TENM4: variants seen among roughly 807,000 people sequenced by gnomAD.
The protein encoded by TENM4 is teneurin transmembrane protein 4.
A neutral mutation model predicts 243.3 loss-of-function variants in TENM4; 82 were observed. The observed-to-expected ratio is 0.34, with a 90% confidence interval of 0.28 to 0.40. TENM4 has a LOEUF of 0.40. Among genes scored for constraint, TENM4 ranks in the 10% least tolerant of loss-of-function variants. The pLI is 1.00. For missense variants in TENM4, 3,138 were observed against 3,673.3 expected (o/e 0.85, Z 3.77); for synonymous variants, 1,412 against 1,456.3 (o/e 0.97, Z 0.69).
chr11:79,286,849 A>T (rs1035409136), intron 2 of TENM4, among the ~76,000 whole-genome samples: 5 of 152,342 alleles, frequency 3.3e-5, no homozygotes, highest in Admixed American at 3.3e-4. Flanking sequence ...ATGAATTAAG[A>T]TTGGACCTCA....
At chr11:79,406,578 C>T (rs980305110) in intron 1 of TENM4, among the ~76,000 whole-genome samples, 6 of 152,150 alleles carry the variant, frequency 3.9e-5, no homozygotes, top group Non-Finnish European at 7.4e-5. Flanking sequence ...TACTTAACAC[C>T]GTGCTTAGGT....
chr11:79,099,775 T>A (rs1313006462), intron 4 of TENM4, among the ~76,000 whole-genome samples: 1 of 152,210 alleles, frequency 6.6e-6, no homozygotes, highest in Non-Finnish European at 1.5e-5. Context: ...TGCTTCTAGA[T>A]TGACAGAGAG....
At chr11:78,946,845 A>G (rs946802090) in intron 6 of TENM4, among the ~76,000 whole-genome samples, 1 of 152,230 alleles carries the variant, frequency 6.6e-6, no homozygotes, top group Non-Finnish European at 1.5e-5. Context: ...TGGAGCCTCA[A>G]GATGTAACTG....
intron 2 of TENM4, among the ~76,000 whole-genome samples, chr11:79,255,338 G>A (rs79317303): frequency 0.011 from 1,716 of 152,220 alleles, 36 homozygotes; most frequent in African/African-American, 0.039. Context: ...TTTTCAGTCC[G>A]GCCTCTCATG....
rs373517209 is a variant in TENM4, at chr11:79,121,525, C to T, written c.-66+27185G>A. On this transcript the variant is annotated intron_variant, in intron 4 of 33. Transcript: ENST00000278550. ...ATTTTAGGCATAAAGGACCATGCGG[C>T]GGAGTAGCCCAGCTCTTCCCTGGCC... 1.4e-3 allele frequency among the ~76,000 whole-genome samples: 217 copies of T among 152,292 alleles called. 7 individuals are homozygous for T. In the South Asian group the frequency reaches 0.04, roughly 28 times the overall value.
At chr11:79,356,059 C>G (rs1264157960) in intron 1 of TENM4, among the ~76,000 whole-genome samples, 3 of 152,170 alleles carry the variant, frequency 2.0e-5, no homozygotes, top group African/African-American at 7.2e-5. Flanking sequence ...TGTGAGCCAC[C>G]CAGTGGTGGA....
chr11:78,817,518 T>C (rs1260365419), intron 12 of TENM4, among the ~76,000 whole-genome samples: 1 of 152,356 alleles, frequency 6.6e-6, no homozygotes, highest in East Asian at 1.9e-4. Context: ...TATTCTCCAT[T>C]GGCTTTACTT....
At chr11:78,795,851 G>A (rs1205484293) in intron 15 of TENM4, among the ~76,000 whole-genome samples, 4 of 152,152 alleles carry the variant, frequency 2.6e-5, no homozygotes, top group Non-Finnish European at 5.9e-5. Flanking sequence ...GAAGAAGCCA[G>A]AAGGGGAAGA....
At chr11:79,214,534 A>G (rs1382870705) in intron 3 of TENM4, among the ~76,000 whole-genome samples, 3 of 152,218 alleles carry the variant, frequency 2.0e-5, no homozygotes, top group Admixed American at 2.0e-4. Flanking sequence ...AGACTCCAGC[A>G]CTTTTTATTT....
intron 4 of TENM4, among the ~76,000 whole-genome samples, chr11:79,139,812 ATTT>A (rs1491376007): frequency 3.4e-5 from 3 of 89,360 alleles, no homozygotes; most frequent in African/African-American, 5.2e-5. Context: ...TATAATATAT[ATTT>A]TATATTTATA....
chr11:78,701,391 A>G, intron 28 of TENM4, 135 bp downstream of exon 28: 3 of 1,201,012 alleles, frequency 2.5e-6, no homozygotes, highest in Non-Finnish European at 3.4e-6. Flanking sequence ...TGGAATATGA[A>G]CATGTAGAAT....
At chr11:79,183,072 A>T (rs1346372412) in intron 3 of TENM4, among the ~76,000 whole-genome samples, 1 of 152,198 alleles carries the variant, frequency 6.6e-6, no homozygotes, top group Admixed American at 6.5e-5. Context: ...ACCCAAATGA[A>T]TTGAAAACTT....
At chr11:79,437,030 G>C (rs1859284762) in intron 1 of TENM4, among the ~76,000 whole-genome samples, 1 of 152,154 alleles carries the variant, frequency 6.6e-6, no homozygotes, top group Non-Finnish European at 1.5e-5. Flanking sequence ...CATTTCCAAG[G>C]ACCTACGGCA....
At chr11:79,110,420 C>G (rs572919065) in intron 4 of TENM4, among the ~76,000 whole-genome samples, 1 of 152,338 alleles carries the variant, frequency 6.6e-6, no homozygotes, top group East Asian at 1.9e-4. Flanking sequence ...TCACAGCGCC[C>G]TGGGCACTGC....
At chr11:79,314,932 G>C (rs1327148023) in intron 1 of TENM4, among the ~76,000 whole-genome samples, 1 of 152,224 alleles carries the variant, frequency 6.6e-6, no homozygotes, top group Admixed American at 6.5e-5. Context: ...TGATTCTAAT[G>C]TGGCCAGGGC....
chr11:79,123,985 C>T (rs1420682378), intron 4 of TENM4, among the ~76,000 whole-genome samples: 1 of 151,918 alleles, frequency 6.6e-6, no homozygotes, highest in African/African-American at 2.4e-5. Context: ...TTTTTTAAAC[C>T]CATTTTATAG....
chr11:78,891,601 T>C (rs1183187424), intron 7 of TENM4, among the ~76,000 whole-genome samples: 1 of 152,206 alleles, frequency 6.6e-6, no homozygotes, highest in South Asian at 2.1e-4. Flanking sequence ...AGGACTGACA[T>C]GTGTCCGGGA....
chr11:79,029,614 G>A (rs977676197), intron 6 of TENM4, among the ~76,000 whole-genome samples: 1 of 152,206 alleles, frequency 6.6e-6, no homozygotes, highest in African/African-American at 2.4e-5. Context: ...AGAGAACTGA[G>A]TGATTTAGAA....
At chr11:79,406,269 CTT>C (rs901234636) in intron 1 of TENM4, among the ~76,000 whole-genome samples, 1 of 152,102 alleles carries the variant, frequency 6.6e-6, no homozygotes, top group Non-Finnish European at 1.5e-5. Context: ...TCAACTGACT[CTT>C]TGTTTCTGGA....
Sources: gnomAD v4.1 joint callset for allele counts (sites outside exome capture counted in the v4.1 genomes callset) on GRCh38, gnomAD v4.1.1 for gene constraint, MANE v1.5 for transcripts, NCBI Gene and HGNC (gene_info 2026-07-23, HGNC 2026-07-21) for gene names.